Variants in DDX25 observed in about 807,000 individuals in gnomAD.
The protein encoded by DDX25 is DEAD-box helicase 25, also known as ATP-dependent RNA helicase DDX25.
Under a neutral mutation model 64.6 loss-of-function variants are expected in DDX25, and 70 were observed. That is an observed-to-expected ratio of 1.08 (90% CI 0.89 to 1.32). The LOEUF (loss-of-function observed/expected upper bound fraction) is 1.32, where lower values mean the gene tolerates loss of function less well. DDX25 is among the 40% of genes most tolerant of loss of function. The pLI, the probability that DDX25 is intolerant of heterozygous loss-of-function variation, is 0.00. For missense variants in DDX25, 587 were observed against 604.4 expected (o/e 0.97, Z 0.30); for synonymous variants, 211 against 213.3 (o/e 0.99, Z 0.09).
In DDX25 at chr11:125,904,528, T is replaced by G. The variant is rs1271879286; in HGVS notation, c.11T>G (p.Leu4Ter). 9 of 1,495,308 alleles carry G rather than the reference T, an allele frequency of 6.0e-6. No homozygotes were observed. The Admixed American group carries it at 1.6e-4, about 27-fold the overall frequency. The allele number at this position is 1,495,308 out of a possible 1,614,324, so 92.6% of individuals were successfully genotyped here. A position where few individuals can be genotyped will look rare whatever the true frequency, so the allele number is the denominator to read the frequency against. MAS[L>*]LWGGDAGAAE... The stretch of plus-strand genomic sequence containing the variant: ...GCAGCAATCGCAGCCATGGCGTCGT[T>G]ACTGTGGGGAGGCGACGCAGGGGCG... Residue 4 changes from leucine to a stop codon, truncating the protein, a stop_gained, in exon 1 of 12, where the codon TTA becomes TGA. Coordinates refer to ENST00000263576, the MANE Select transcript of DDX25 (RefSeq NM_013264.5). LOFTEE classifies it high-confidence loss of function.
At chr11:125,918,590 T>C in intron 9 of DDX25, 38 bp from the exon 10 acceptor site, 1 of 1,596,900 alleles carries the variant, frequency 6.3e-7, no homozygotes, top group East Asian at 2.3e-5. Context: ...CTTTGCTTAA[T>C]CTTGGGGTGC....
At position 125,907,382 on chromosome 11, in the gene DDX25, G is replaced by A. The variant is rs113879365; in HGVS notation, c.312-814G>A. On this transcript the variant is annotated intron_variant, in intron 4 of 11. Transcript: ENST00000263576. ...CCAGCACTTTGGGAGGCCAAGGGGG[G>A]CGGATCACGAGGTCAGGAGATCGAG... 6.9e-3 allele frequency among the ~76,000 whole-genome samples: 1,051 copies of A among 152,270 alleles called. 16 individuals carry two copies. Among genetic ancestry groups the A allele is most frequent in the African/African-American group, 0.023 (974 of 41,550 alleles).
chr11:125,903,953 T>A (rs1944835778), upstream of DDX25, among the ~76,000 whole-genome samples: 1 of 152,180 alleles, frequency 6.6e-6, no homozygotes, highest in Non-Finnish European at 1.5e-5. Flanking sequence ...ATCACAGGTA[T>A]CTAGGGCAGG....
chr11:125,907,326 T>C (rs540109308), intron 4 of DDX25, among the ~76,000 whole-genome samples: 10 of 152,278 alleles, frequency 6.6e-5, no homozygotes, highest in South Asian at 2.1e-4. Context: ...GTTGAAGTGT[T>C]GGCCGGGCGC....
chr11:125,905,549 C>T lies in DDX25; in HGVS notation c.131-4C>T, dbSNP rs1944871933. 4 of 1,551,044 alleles carry T rather than the reference C, an allele frequency of 2.6e-6. No homozygotes were observed. Among genetic ancestry groups the T allele is most frequent in the African/African-American group, 1.4e-5 (1 of 73,008 alleles). The stretch of plus-strand genomic sequence containing the variant: ...TTGTATTGTTTCTCTTCCATCCTTT[C>T]CAGATGGTTCTATTAATAACATCAA... On this transcript the variant is annotated splice_polypyrimidine_tract_variant and splice_region_variant and intron_variant, in intron 2 of 11. Coordinates refer to ENST00000263576, the MANE Select transcript of DDX25 (RefSeq NM_013264.5).
chr11:125,905,209 T>C lies in DDX25; in HGVS notation c.64-3T>C. The C allele has an allele frequency of 6.4e-7, 1 of 1,551,574 alleles. No homozygotes were observed. The highest frequency in any genetic ancestry group is 8.7e-7 in the Non-Finnish European group (1 of 1,146,930). ...ATTGGTTGAAATTTGTGTCTCTCAATAGTTTTCAAACCTCAGCCAACCCCG... is the reference window on the plus strand; with the variant it reads ...ATTGGTTGAAATTTGTGTCTCTCAACAGTTTTCAAACCTCAGCCAACCCCG... On this transcript the variant is annotated splice_region_variant and splice_polypyrimidine_tract_variant and intron_variant, in intron 1 of 11. Coordinates refer to ENST00000263576, the MANE Select transcript of DDX25 (RefSeq NM_013264.5).
intron 4 of DDX25, among the ~76,000 whole-genome samples, chr11:125,906,458 G>A (rs935967636): frequency 2.6e-5 from 4 of 151,828 alleles, no homozygotes; most frequent in African/African-American, 9.7e-5. Context: ...TGGGACTACA[G>A]GCATGCACCA....
rs527341199 is a variant in DDX25, at chr11:125,923,958, G to T, written c.*1077G>T. 2.0e-5 allele frequency: 3 copies of T among 152,262 alleles called. No individual in the cohort carries two copies. The highest frequency in any genetic ancestry group is 4.1e-4 in the South Asian group (2 of 4,822). 9.4% of individuals were successfully genotyped at this position (152,262 alleles called of 1,614,324 possible). On this transcript the variant is annotated 3_prime_UTR_variant, in exon 12 of 12. Coordinates refer to ENST00000263576, the MANE Select transcript of DDX25 (RefSeq NM_013264.5). Reference sequence around the variant, plus strand: ...CCCATGTTTTCTCCCGGAGAGCAGGGCTCAGAAATACATAAAAATCATCAC... The same window carrying T: ...CCCATGTTTTCTCCCGGAGAGCAGGTCTCAGAAATACATAAAAATCATCAC...
intron 8 of DDX25, among the ~76,000 whole-genome samples, chr11:125,916,312 C>G (rs949358441): frequency 2.6e-5 from 4 of 152,164 alleles, no homozygotes; most frequent in African/African-American, 9.7e-5. Flanking sequence ...AGAAGCCATG[C>G]TCTTGTAACA....
chr11:125,904,721 T>A, intron 1 of DDX25, 141 bp downstream of exon 1: 1 of 1,047,278 alleles, frequency 9.5e-7, no homozygotes, highest in Non-Finnish European at 1.4e-6. Context: ...CGGGAAGGGT[T>A]TGGAAGAGGG....
At chr11:125,917,628 T>A (rs1340788495) in intron 9 of DDX25, among the ~76,000 whole-genome samples, 1 of 152,196 alleles carries the variant, frequency 6.6e-6, no homozygotes, top group African/African-American at 2.4e-5. Flanking sequence ...CATTCTCATG[T>A]TCATCTGTTT....
At chr11:125,904,912 G>T in intron 1 of DDX25, 1 of 547,932 alleles carries the variant, frequency 1.8e-6, no homozygotes, top group Admixed American at 3.2e-5. Context: ...CCATTTGCCA[G>T]CGCACTTTCC....
At chr11:125,907,440 C>T (rs1944905567) in intron 4 of DDX25, among the ~76,000 whole-genome samples, 1 of 152,084 alleles carries the variant, frequency 6.6e-6, no homozygotes, top group Non-Finnish European at 1.5e-5. Flanking sequence ...AACCCCGTCT[C>T]TACTAAAAAT....
At chr11:125,917,278 G>C in intron 9 of DDX25, 27 bp downstream of exon 9, 1 of 1,568,706 alleles carries the variant, frequency 6.4e-7, no homozygotes, top group South Asian at 1.2e-5. Context: ...TGTCTTCATC[G>C]AGCCCAGATA....
At chr11:125,909,635 T>A (rs1944939266) in intron 6 of DDX25, among the ~76,000 whole-genome samples, 1 of 151,442 alleles carries the variant, frequency 6.6e-6, no homozygotes, top group Non-Finnish European at 1.5e-5. Context: ...CAAGGAGTGT[T>A]CCCGAAATAG....
At chr11:125,914,062 T>C (rs906444478) in intron 8 of DDX25, among the ~76,000 whole-genome samples, 3 of 152,200 alleles carry the variant, frequency 2.0e-5, no homozygotes, top group Admixed American at 1.3e-4. Context: ...TCTTCAGTTG[T>C]CTCTCTGAGA....
intron 4 of DDX25, among the ~76,000 whole-genome samples, 179 bp from the exon 5 acceptor site, chr11:125,908,017 A>G (rs996991710): frequency 6.6e-6 from 1 of 152,226 alleles, no homozygotes; most frequent in African/African-American, 2.4e-5. Flanking sequence ...TTAGTGGTCC[A>G]GCTCTACAGG....
Position 125,905,597 on chromosome 11 carries a change from G to T in DDX25, c.175G>T (p.Val59Leu). ...NINEDDEEDV[V>L]DLAANSLLNK... ...CAATGAAGATGATGAAGAAGATGTA[G>T]GTAGGAGATGAATTCATTTGCATGT... The change falls in exon 3 of 12, where the codon GTG (valine) becomes TTG (leucine). Residue 59 changes from valine (V) to leucine (L), a missense_variant and splice_region_variant. Val to Leu is a conservative substitution (Grantham distance 32, BLOSUM62 1). Coordinates refer to ENST00000263576, the MANE Select transcript of DDX25 (RefSeq NM_013264.5). 6.4e-7 allele frequency: 1 copy of T among 1,551,418 alleles called. No homozygotes were observed. Among genetic ancestry groups the T allele is most frequent in the Non-Finnish European group, 8.7e-7 (1 of 1,146,656 alleles).
At chr11:125,914,407 G>A (rs1016764029) in intron 8 of DDX25, among the ~76,000 whole-genome samples, 4 of 152,148 alleles carry the variant, frequency 2.6e-5, no homozygotes, top group Non-Finnish European at 4.4e-5. Context: ...TGAGAGGGCC[G>A]TCCCATTCGG....
Sources: allele counts gnomAD v4.1 joint callset (sites outside exome capture counted in the v4.1 genomes callset), GRCh38; gene constraint gnomAD v4.1.1; transcripts MANE v1.5; gene names NCBI Gene and HGNC (gene_info 2026-07-23, HGNC 2026-07-21).